Variants in SPATA6 observed in about 807,000 individuals in gnomAD.
The protein encoded by SPATA6 is spermatogenesis associated 6, also known as spermatogenesis-associated protein 6.
Under a neutral mutation model 65.3 loss-of-function variants are expected in SPATA6, and 56 were observed. The ratio of observed to expected loss-of-function variants is 0.86; its 90% confidence interval spans 0.69 to 1.07. SPATA6 has a LOEUF of 1.07. SPATA6 is among the 50% of genes least tolerant of loss of function. SPATA6 has a pLI of 0.00. For missense variants in SPATA6, 590 were observed against 594.8 expected (o/e 0.99, Z 0.08); for synonymous variants, 199 against 213.2 (o/e 0.93, Z 0.58).
the SPATA6 span, among the ~76,000 whole-genome samples, chr1:48,287,932 A>G: frequency 6.6e-6 from 1 of 152,202 alleles, no homozygotes. Context: ...TAATGTTAGC[A>G]GTGGGTTTTT....
At chr1:48,312,932 T>TA (rs1432926208) in intron 11 of SPATA6, among the ~76,000 whole-genome samples, 2 of 152,016 alleles carry the variant, frequency 1.3e-5, no homozygotes, top group African/African-American at 4.8e-5. Flanking sequence ...CAATCAACTG[T>TA]AAGAAAGGGC....
chr1:48,472,187 G>C lies in SPATA6; in HGVS notation c.-179C>G. ...CGCCGGAGAAGCAGCTGAGCGCGGG[G>C]CGCAGACTCGTTGTCATGGCAGCCA... On this transcript the variant is annotated 5_prime_UTR_variant, in exon 1 of 13. Transcript: ENST00000371847. 1.9e-6 allele frequency: 1 copy of C among 540,182 alleles called. No homozygotes were observed. The allele number at this position is 540,182 out of a possible 1,614,324, so 33.5% of individuals were successfully genotyped here.
chr1:48,397,275 A>C (rs1650689113), intron 7 of SPATA6, among the ~76,000 whole-genome samples: 2 of 151,900 alleles, frequency 1.3e-5, no homozygotes, highest in African/African-American at 4.8e-5. Flanking sequence ...TTCTGGAACC[A>C]GATAGCTGCA....
the SPATA6 span, among the ~76,000 whole-genome samples, chr1:48,290,134 G>T: frequency 2.6e-5 from 4 of 152,214 alleles, no homozygotes. Context: ...AAGCCCATCA[G>T]ACTAACAGCT....
intron 9 of SPATA6, 92 bp from the exon 10 acceptor site, chr1:48,359,862 T>C: frequency 2.0e-6 from 2 of 981,810 alleles, no homozygotes; most frequent in Non-Finnish European, 2.8e-6. Context: ...ATAGTAGTCA[T>C]ATGCATGTGC....
At chr1:48,318,822 AAAAG>A (rs1472901802) in intron 11 of SPATA6, among the ~76,000 whole-genome samples, 1 of 150,832 alleles carries the variant, frequency 6.6e-6, no homozygotes, top group African/African-American at 2.5e-5. Flanking sequence ...TTATTCTTGA[AAAAG>A]AAGAAAAGGT....
intron 3 of SPATA6, among the ~76,000 whole-genome samples, chr1:48,434,652 A>G (rs1654722377): frequency 6.6e-6 from 1 of 152,120 alleles, no homozygotes; most frequent in Non-Finnish European, 1.5e-5. Flanking sequence ...CAGGCAGTAC[A>G]TTTGTGGCAG....
At chr1:48,366,567 T>A (rs1647022074) in intron 9 of SPATA6, among the ~76,000 whole-genome samples, 1 of 152,250 alleles carries the variant, frequency 6.6e-6, no homozygotes, top group East Asian at 1.9e-4. Flanking sequence ...TTCTAGATTT[T>A]CTAGTTTATT....
chr1:48,330,080 C>T (rs1273624949), intron 11 of SPATA6, among the ~76,000 whole-genome samples: 1 of 152,168 alleles, frequency 6.6e-6, no homozygotes, highest in Admixed American at 6.5e-5. Flanking sequence ...ATTGCTCCAC[C>T]ACTGCATGCC....
intron 1 of SPATA6, among the ~76,000 whole-genome samples, chr1:48,455,159 G>A (rs1656902090): frequency 6.6e-6 from 1 of 151,978 alleles, no homozygotes; most frequent in Non-Finnish European, 1.5e-5. Context: ...CTAAATCTGT[G>A]CTGTCCAAAA....
chr1:48,370,641 C>A (rs993285843), intron 9 of SPATA6, among the ~76,000 whole-genome samples: 2 of 152,218 alleles, frequency 1.3e-5, no homozygotes, highest in Non-Finnish European at 2.9e-5. Context: ...TCTTAGACCA[C>A]TGTTCTATTC....
chr1:48,389,085 T>C (rs1394308792), intron 8 of SPATA6, among the ~76,000 whole-genome samples: 1 of 152,112 alleles, frequency 6.6e-6, no homozygotes, highest in Admixed American at 6.6e-5. Flanking sequence ...CCTCAAGTGA[T>C]CTGCCTGCCT....
chr1:48,404,691 C>T (rs1651525848), intron 5 of SPATA6, among the ~76,000 whole-genome samples: 1 of 152,118 alleles, frequency 6.6e-6, no homozygotes, highest in African/African-American at 2.4e-5. Context: ...AGTTCCTCGG[C>T]ATGTAGTTCT....
intron 3 of SPATA6, among the ~76,000 whole-genome samples, chr1:48,447,143 A>C (rs1228405247): frequency 6.6e-6 from 1 of 152,186 alleles, no homozygotes; most frequent in Admixed American, 6.5e-5. Context: ...ATAACAAAAA[A>C]TATGTTAATT....
chr1:48,349,201 CA>C (rs1309550711), intron 11 of SPATA6, among the ~76,000 whole-genome samples: 3 of 151,960 alleles, frequency 2.0e-5, no homozygotes, highest in Non-Finnish European at 4.4e-5. Flanking sequence ...CATTTGTTTA[CA>C]TACTGCATAT....
intron 11 of SPATA6, among the ~76,000 whole-genome samples, chr1:48,316,162 C>A (rs1645411080): frequency 6.6e-6 from 1 of 152,146 alleles, no homozygotes; most frequent in Admixed American, 6.5e-5. Flanking sequence ...TGACTTTCTT[C>A]ATAGAATTGG....
chr1:48,291,041 TAC>T (rs780996052), downstream of SPATA6, among the ~76,000 whole-genome samples: 4 of 152,154 alleles, frequency 2.6e-5, no homozygotes, highest in Non-Finnish European at 5.9e-5. Flanking sequence ...CAACAGAATA[TAC>T]ATTCTTCTCA....
the SPATA6 span, among the ~76,000 whole-genome samples, chr1:48,280,386 A>C: frequency 6.6e-6 from 1 of 152,222 alleles, no homozygotes; most frequent in Non-Finnish European, 1.5e-5. Context: ...AAATTAGTGA[A>C]TACAGGAGCT....
intron 9 of SPATA6, among the ~76,000 whole-genome samples, chr1:48,365,281 G>A (rs895204984): frequency 6.6e-6 from 1 of 152,108 alleles, no homozygotes; most frequent in African/African-American, 2.4e-5. Context: ...TGGCGATGCG[G>A]GCTCTTTTTT....
Sources: gnomAD v4.1 joint callset for allele counts (sites outside exome capture counted in the v4.1 genomes callset) on GRCh38, gnomAD v4.1.1 for gene constraint, MANE v1.5 for transcripts, NCBI Gene and HGNC (gene_info 2026-07-23, HGNC 2026-07-21) for gene names.